Variants in KALRN observed in about 807,000 individuals in gnomAD.
KALRN encodes the protein kalirin.
A neutral mutation model predicts 353.7 loss-of-function variants in KALRN; 70 were observed. That is an observed-to-expected ratio of 0.20 (90% confidence interval 0.16 to 0.24). The LOEUF is 0.24. Ranked by LOEUF, KALRN falls within the 10% of genes least tolerant of loss-of-function variation. The pLI, the probability that KALRN is intolerant of heterozygous loss-of-function variation, is 1.00. For synonymous variants in KALRN, 1,391 were observed against 1,434.8 expected (o/e 0.97, Z 0.69); for missense variants, 2,791 against 3,756.7 (o/e 0.74, Z 6.72).
At chr3:124,438,788 T>G (rs1416700326) in intron 17 of KALRN, 100 bp from the exon 18 acceptor site, 1 of 1,035,996 alleles carries the variant, frequency 9.7e-7, no homozygotes, top group Non-Finnish European at 1.4e-6. Flanking sequence ...AAACTTCTAA[T>G]GAAAAATGTC....
intron 14 of KALRN, among the ~76,000 whole-genome samples, chr3:124,421,796 C>T (rs74715504): frequency 0.042 from 6,425 of 152,158 alleles, 293 homozygotes; most frequent in East Asian, 0.19. Context: ...CTGATGATAA[C>T]GTATAAATAG....
intron 1 of KALRN, among the ~76,000 whole-genome samples, chr3:124,043,742 G>C (rs531339433): frequency 6.6e-6 from 1 of 152,256 alleles, no homozygotes; most frequent in South Asian, 2.1e-4. Context: ...TAAGAAGCGA[G>C]GCTGGGAGAT....
At chr3:124,666,040 C>A (rs1201245236) in intron 45 of KALRN, among the ~76,000 whole-genome samples, 1 of 152,142 alleles carries the variant, frequency 6.6e-6, no homozygotes, top group Non-Finnish European at 1.5e-5. Context: ...TGCAAAGGAA[C>A]CAGGCAGGCA....
intron 51 of KALRN, among the ~76,000 whole-genome samples, chr3:124,688,566 A>G (rs2061667527): frequency 6.6e-6 from 1 of 152,224 alleles, no homozygotes; most frequent in Non-Finnish European, 1.5e-5. Flanking sequence ...AAAAATATAG[A>G]AATATATTCT....
chr3:124,125,473 A>G (rs1261712250), intron 1 of KALRN, among the ~76,000 whole-genome samples: 2 of 152,210 alleles, frequency 1.3e-5, no homozygotes, highest in African/African-American at 4.8e-5. Context: ...TGAATGAGCA[A>G]GCCTCCATGA....
intron 19 of KALRN, among the ~76,000 whole-genome samples, 170 bp downstream of exon 19, chr3:124,442,229 A>C (rs1443224839): frequency 5.3e-5 from 8 of 152,186 alleles, no homozygotes; most frequent in African/African-American, 1.9e-4. Context: ...TCAATTTTTA[A>C]ACACGCATCA....
At chr3:124,287,975 G>A (rs1237992995) in intron 5 of KALRN, among the ~76,000 whole-genome samples, 1 of 151,384 alleles carries the variant, frequency 6.6e-6, no homozygotes, top group Non-Finnish European at 1.5e-5. Flanking sequence ...CTGGGTTCAA[G>A]TGATTCTCCT....
chr3:124,408,885 A>G (rs895109346), intron 13 of KALRN, among the ~76,000 whole-genome samples: 1 of 152,218 alleles, frequency 6.6e-6, no homozygotes, highest in Non-Finnish European at 1.5e-5. Context: ...GGTGACTGCT[A>G]AACCAACTCC....
At chr3:124,081,450 A>G (rs1421132328) in intron 1 of KALRN, among the ~76,000 whole-genome samples, 2 of 152,162 alleles carry the variant, frequency 1.3e-5, no homozygotes, top group African/African-American at 4.8e-5. Context: ...TATTCAGGCT[A>G]ATTTGTCCCA....
At chr3:124,085,531 C>T (rs2060768397) in intron 1 of KALRN, among the ~76,000 whole-genome samples, 1 of 152,188 alleles carries the variant, frequency 6.6e-6, no homozygotes, top group African/African-American at 2.4e-5. Context: ...ATCTGCCAGC[C>T]ACTTGAACAG....
chr3:124,686,317 A>G (rs1375900463), intron 51 of KALRN, among the ~76,000 whole-genome samples: 2 of 152,302 alleles, frequency 1.3e-5, no homozygotes, highest in East Asian at 3.9e-4. Flanking sequence ...ATCATCACAT[A>G]GGTACTATTC....
chr3:124,667,989 A>G (rs1467571987), intron 47 of KALRN, among the ~76,000 whole-genome samples: 1 of 151,108 alleles, frequency 6.6e-6, no homozygotes, highest in African/African-American at 2.4e-5. Context: ...GCAAAATGTA[A>G]CTAGTAATGA....
chr3:124,044,688 A>G (rs533001613), intron 1 of KALRN, among the ~76,000 whole-genome samples: 7 of 152,244 alleles, frequency 4.6e-5, no homozygotes, highest in African/African-American at 1.4e-4. Flanking sequence ...GTGAATAGTA[A>G]TGTAAATAGG....
chr3:124,418,594 T>C (rs955532353), intron 14 of KALRN, among the ~76,000 whole-genome samples: 7 of 152,176 alleles, frequency 4.6e-5, no homozygotes, highest in African/African-American at 1.7e-4. Flanking sequence ...ATGTTACAAG[T>C]ATGGGCAGCA....
chr3:124,500,941 A>G (rs1354198065), intron 33 of KALRN, among the ~76,000 whole-genome samples: 1 of 151,656 alleles, frequency 6.6e-6, no homozygotes, highest in Non-Finnish European at 1.5e-5. Context: ...TAATGAGGTG[A>G]CAGCCAAATA....
intron 1 of KALRN, among the ~76,000 whole-genome samples, chr3:124,190,934 C>T (rs2074831160): frequency 6.6e-6 from 1 of 152,208 alleles, no homozygotes; most frequent in African/African-American, 2.4e-5. Flanking sequence ...CAATCATCAG[C>T]CCCAGGTTGT....
At position 124,724,773 on chromosome 3, in the gene KALRN, A is replaced by G. The variant is rs1454625252; in HGVS notation, c.*5303A>G. On this transcript the variant is annotated 3_prime_UTR_variant, in exon 60 of 60. Coordinates refer to ENST00000682506, the MANE Select transcript of KALRN (RefSeq NM_001388419.1). ...GAAAGGCATTTCTTCCTCATCTTCA[A>G]TAAATATGAAGAAGTTAGAGGAGAG... is the stretch of plus-strand genomic sequence containing the variant. 1 of 152,238 alleles carries G rather than the reference A, an allele frequency of 6.6e-6. No homozygotes were observed. The highest frequency in any genetic ancestry group is 6.5e-5 in the Admixed American group (1 of 15,288). 9.4% of individuals were successfully genotyped at this position (152,238 alleles called of 1,614,324 possible).
At chr3:124,190,822 G>T (rs1291171106) in intron 1 of KALRN, among the ~76,000 whole-genome samples, 1 of 152,152 alleles carries the variant, frequency 6.6e-6, no homozygotes, top group African/African-American at 2.4e-5. Flanking sequence ...CACCAACTGG[G>T]TGCCCTATAA....
intron 27 of KALRN, among the ~76,000 whole-genome samples, chr3:124,480,880 G>T (rs1298500742): frequency 2.6e-5 from 4 of 152,190 alleles, no homozygotes; most frequent in African/African-American, 9.7e-5. Context: ...GCATGCATCA[G>T]AACTTCATTT....
Sources: gnomAD v4.1 joint callset for allele counts (sites outside exome capture counted in the v4.1 genomes callset) on GRCh38, gnomAD v4.1.1 for gene constraint, MANE v1.5 for transcripts, NCBI Gene and HGNC (gene_info 2026-07-23, HGNC 2026-07-21) for gene names.